The following DNAH2 variants were observed in gnomAD, a reference collection of about 807,000 sequenced individuals.
The protein encoded by DNAH2 is axonemal beta dynein heavy chain 2.
In DNAH2, 323 loss-of-function variants were observed where a neutral mutation model predicts 523.5. The ratio of observed to expected loss-of-function variants is 0.62; its 90% CI spans 0.56 to 0.68. The LOEUF (loss-of-function observed/expected upper bound fraction) is 0.68. Among genes scored for constraint, DNAH2 ranks in the 30% least tolerant of loss-of-function variants. The pLI, the probability that DNAH2 is intolerant of heterozygous loss-of-function variation, is 0.00. For synonymous variants in DNAH2, 2,093 were observed against 2,177.4 expected, an observed-to-expected ratio of 0.96 and a Z score of 1.08; for missense variants, 4,907 against 5,701.5, an observed-to-expected ratio of 0.86 and a Z score of 4.49.
chr17:7,831,414 AAGC>A lies in DNAH2; in HGVS notation c.12487_12489del (p.Gln4163del). 6.2e-7 allele frequency: 1 copy of A among 1,614,144 alleles called. No homozygotes were observed. The highest frequency in any genetic ancestry group is 8.5e-7 in the Non-Finnish European group (1 of 1,180,022). On this transcript the variant is annotated inframe_deletion, in exon 81 of 86. Coordinates refer to ENST00000572933, the MANE Select transcript of DNAH2 (RefSeq NM_020877.5). The surrounding 1 kb of genome is among the most constrained non-coding windows in gnomAD (Gnocchi z 4.2). ...GGTCCTTGAGTTGGCCGCTGATGTG[AAGC>A]AGAAGATCCCTGAAATGATCGACTA...
chr17:7,806,081 C>T (rs1463849981), intron 61 of DNAH2, among the ~76,000 whole-genome samples: 2 of 152,172 alleles, frequency 1.3e-5, no homozygotes, highest in African/African-American at 4.8e-5. Context: ...GATTTTTCGT[C>T]TTTACAATGG....
intron 39 of DNAH2, among the ~76,000 whole-genome samples, chr17:7,784,623 A>G (rs771727042): frequency 2.6e-5 from 4 of 152,230 alleles, no homozygotes; most frequent in Non-Finnish European, 4.4e-5. Context: ...CCATGTAGGA[A>G]AAGGAAAATT....
chr17:7,759,300 A>T lies in DNAH2; in HGVS notation c.2449-122A>T, dbSNP rs535093420. 9.7e-6 allele frequency: 14 copies of T among 1,442,866 alleles called. No homozygotes were observed. In the African/African-American group the frequency reaches 1.6e-4, roughly 16 times the overall value. The allele number at this position is 1,442,866 out of a possible 1,614,324, so 89.4% of individuals were successfully genotyped here. A position where few individuals can be genotyped will look rare whatever the true frequency, so the allele number is the denominator to read the frequency against. ...CAGTCCTCACACCTCTTCCTCCAGG[A>T]CTCAGCGTCCTGCGTTTCCATTAAA... is the stretch of plus-strand genomic sequence containing the variant. On this transcript the variant is annotated intron_variant, in intron 15 of 85. Transcript: ENST00000572933.
chr17:7,823,861 T>G lies in DNAH2; in HGVS notation c.11357T>G (p.Met3786Arg). 1.2e-6 allele frequency: 2 copies of G among 1,614,152 alleles called. No homozygotes were observed. The highest frequency in any genetic ancestry group is 1.7e-6 in the Non-Finnish European group (2 of 1,180,008). The change falls in exon 75 of 86, where the codon ATG (methionine) becomes AGG (arginine). Residue 3786 changes from methionine (M) to arginine (R), a missense_variant. Met to Arg is a moderately conservative substitution (Grantham distance 91). Transcript: ENST00000572933. ...PGEWENACNE[M>R]QRMLIVRSLR... ...GAGTGGGAAAATGCCTGCAATGAAA[T>G]GCAACGGATGCTGATCGTTCGCTCC...
intron 2 of DNAH2, among the ~76,000 whole-genome samples, chr17:7,723,379 T>G (rs1341648350): frequency 6.7e-6 from 1 of 148,732 alleles, no homozygotes; most frequent in Non-Finnish European, 1.5e-5. Flanking sequence ...TTCAGGTGAT[T>G]CTCCTGCCTC....
At chr17:7,788,404 G>GTGTGTGTGTGCATGTC (rs2076805806) in intron 44 of DNAH2, among the ~76,000 whole-genome samples, 160 bp downstream of exon 44, 2 of 152,114 alleles carry the variant, frequency 1.3e-5, no homozygotes, top group Non-Finnish European at 2.9e-5. Context: ...GCAGTGAGGG[G>GTGTGTGTGTGCATGTC]TGTGTGTGTG....
In DNAH2 at chr17:7,792,355, G is replaced by C; in HGVS notation, c.7145+12G>C. ...CGCTACCCTCCAAAGTAAGAGCTGGGCCTGGGTGTGAGGAGGGCATGGGGC... is the reference window on the plus strand; with the variant it reads ...CGCTACCCTCCAAAGTAAGAGCTGGCCCTGGGTGTGAGGAGGGCATGGGGC... On this transcript the variant is annotated intron_variant, in intron 46 of 85. Coordinates refer to ENST00000572933, the MANE Select transcript of DNAH2 (RefSeq NM_020877.5). 6.2e-7 allele frequency: 1 copy of C among 1,613,896 alleles called. No individual in the cohort carries two copies. Among genetic ancestry groups the C allele is most frequent in the South Asian group, 1.1e-5 (1 of 91,072 alleles).
chr17:7,793,237 T>C, intron 48 of DNAH2, 32 bp downstream of exon 48: 1 of 1,598,740 alleles, frequency 6.3e-7, no homozygotes, highest in Admixed American at 1.7e-5. Flanking sequence ...TCTTCAGGCC[T>C]CTGCTCCTTC....
At chr17:7,765,927 T>TGC (rs2076155012) in intron 21 of DNAH2, among the ~76,000 whole-genome samples, 1 of 151,940 alleles carries the variant, frequency 6.6e-6, no homozygotes, top group Non-Finnish European at 1.5e-5. Context: ...TACAGGCACA[T>TGC]GCCACCACAC....
chr17:7,780,906 T>C lies in DNAH2; in HGVS notation c.6003+124T>C. ...ATTCTCACCTTCCCACCTCGTCCCA[T>C]CCCCGTGTTGCCCGCTGCTTTGCTA... On this transcript the variant is annotated intron_variant, in intron 38 of 85. Coordinates refer to ENST00000572933, the MANE Select transcript of DNAH2 (RefSeq NM_020877.5). This position sits in a 1 kb window ranked among gnomAD's most constrained non-coding sequence, Gnocchi z 4.4. 1.8e-5 allele frequency: 29 copies of C among 1,580,032 alleles called. No homozygotes were observed. The highest frequency in any genetic ancestry group is 3.4e-5 in the South Asian group (3 of 88,098).
chr17:7,775,104 G>C (rs2076412947), intron 29 of DNAH2, 128 bp downstream of exon 29: 3 of 1,259,488 alleles, frequency 2.4e-6, no homozygotes, highest in Non-Finnish European at 3.3e-6. Flanking sequence ...CAATTCTCAG[G>C]GGGATAGAAC....
intron 61 of DNAH2, among the ~76,000 whole-genome samples, chr17:7,805,888 T>C (rs1006379545): frequency 3.9e-5 from 6 of 152,148 alleles, no homozygotes; most frequent in Non-Finnish European, 7.4e-5. Flanking sequence ...TTGTTACTGG[T>C]ATTTTCTGAC....
rs2078252728 is a variant in DNAH2, at chr17:7,833,444, GT to G, written c.13196del (p.Val4399AlafsTer11). ...AGGCAGCTCAGACCGAGCCTCCTTTGTCATCGGCATTGACCTGCGGTCTGGG... is the reference window on the plus strand; with the variant it reads ...AGGCAGCTCAGACCGAGCCTCCTTTGCATCGGCATTGACCTGCGGTCTGGG... ...RAGSSDRASF[V>X]IGIDLRSGAM... is the part of the protein sequence containing the mutation. On this transcript the variant is annotated frameshift_variant, in exon 86 of 86. Coordinates refer to ENST00000572933, the MANE Select transcript of DNAH2 (RefSeq NM_020877.5). LOFTEE classifies it high-confidence loss of function. 2 of 1,613,998 alleles carry G rather than the reference GT, an allele frequency of 1.2e-6. No individual in the cohort carries two copies. The highest frequency in any genetic ancestry group is 1.7e-5 in the Admixed American group (1 of 60,008).
At chr17:7,775,904 CA>C in intron 30 of DNAH2, 119 bp from the exon 31 acceptor site, 1 of 1,348,326 alleles carries the variant, frequency 7.4e-7, no homozygotes, top group South Asian at 1.5e-5. Flanking sequence ...AGCTGTTGGC[CA>C]TTCCCGCTTT....
At chr17:7,796,795 T>C in intron 50 of DNAH2, 143 bp downstream of exon 50, 1 of 993,970 alleles carries the variant, frequency 1.0e-6, no homozygotes, top group Non-Finnish European at 1.4e-6. Context: ...TGGCCTTACC[T>C]TTAAAACTTC....
intron 31 of DNAH2, among the ~76,000 whole-genome samples, chr17:7,776,439 C>A (rs918563167): frequency 6.6e-6 from 1 of 151,964 alleles, no homozygotes; most frequent in African/African-American, 2.4e-5. Flanking sequence ...GCACTCCAGC[C>A]TGGGTGACAA....
At chr17:7,826,954 G>C (rs757286590) in intron 77 of DNAH2, among the ~76,000 whole-genome samples, 5 of 152,012 alleles carry the variant, frequency 3.3e-5, no homozygotes, top group African/African-American at 4.8e-5. Context: ...TCTGAATCTT[G>C]TATTTGTCAT....
chr17:7,814,209 T>C (rs993445921), intron 63 of DNAH2, among the ~76,000 whole-genome samples: 2 of 147,014 alleles, frequency 1.4e-5, no homozygotes, highest in East Asian at 4.0e-4. Context: ...AAAAAACAGA[T>C]AGTAAAAATT....
chr17:7,758,721 G>C (rs2075916382), intron 14 of DNAH2, 70 bp downstream of exon 14: 6 of 1,571,766 alleles, frequency 3.8e-6, no homozygotes, highest in Admixed American at 1.9e-5. Flanking sequence ...GTGTTGCATA[G>C]AGATTGGGAA....
Sources: gnomAD v4.1 joint callset for allele counts (sites outside exome capture counted in the v4.1 genomes callset) on GRCh38, gnomAD v4.1.1 for gene constraint, Gnocchi (gnomAD v3.1) non-coding constraint, MANE v1.5 for transcripts, NCBI Gene and HGNC (gene_info 2026-07-23, HGNC 2026-07-21) for gene names.